The following DUOX1 variants were observed in gnomAD, a reference collection of about 807,000 sequenced individuals.
The protein encoded by DUOX1 is NADPH thyroid oxidase 1.
DUOX1 carries 134 observed loss-of-function variants against 181.8 expected under a neutral mutation model. The ratio of observed to expected loss-of-function variants is 0.74; its 90% CI spans 0.64 to 0.85. The LOEUF is 0.85. Ranked by LOEUF, DUOX1 falls within the 40% of genes least tolerant of loss-of-function variation. DUOX1 has a pLI of 0.00. For synonymous variants in DUOX1, 798 were observed against 832.5 expected (o/e 0.96, Z 0.71); for missense variants, 1,814 against 2,064.4 (o/e 0.88, Z 2.35).
intron 29 of DUOX1, 115 bp downstream of exon 29, chr15:45,161,105 G>C (rs947198572): frequency 6.7e-7 from 1 of 1,488,998 alleles, no homozygotes; most frequent in Non-Finnish European, 9.0e-7. Context: ...AGGTGCCTTG[G>C]GTGGCAGGGA....
chr15:45,162,579 G>C (rs1897137344), intron 31 of DUOX1, among the ~76,000 whole-genome samples: 1 of 152,192 alleles, frequency 6.6e-6, no homozygotes, highest in South Asian at 2.1e-4. Flanking sequence ...GTTTGCGGAT[G>C]CCTCCAGAAT....
At position 45,163,867 on chromosome 15, in the gene DUOX1, C is replaced by T; in HGVS notation, c.4482C>T (p.Gly1494=). 2 of 1,614,158 alleles carry T rather than the reference C, an allele frequency of 1.2e-6. No homozygotes were observed. The highest frequency in any genetic ancestry group is 2.2e-5 in the South Asian group (2 of 91,082). The change falls in exon 33 of 34, where the codon GGC becomes GGT. Residue 1494 remains glycine, a synonymous_variant. Transcript: ENST00000389037. The part of the protein sequence containing the change: ...FTGLRSITHF[G]RPPFEPFFNS... ...GCCTGCGCTCCATCACCCACTTTGG[C>T]CGTCCCCCCTTTGAGCCCTTCTTCA...
Position 45,141,646 on chromosome 15 carries a change from C to G in DUOX1, c.1684+236C>G, listed in dbSNP as rs3784577. Among the ~76,000 whole-genome samples the G allele has an allele frequency of 0.16, 24,395 of 152,048 alleles. 1,952 individuals are homozygous for G. The highest frequency in any genetic ancestry group is 0.18 in the Middle Eastern group (52 of 294). ...GGGCAGAACTGAGACTCAGAGAGAG[C>G]TGGTGAGGAGGTTCACATTCGGCTG... On this transcript the variant is annotated intron_variant, in intron 14 of 33. Coordinates refer to ENST00000389037, the MANE Select transcript of DUOX1 (RefSeq NM_175940.3).
intron 25 of DUOX1, 146 bp downstream of exon 25, chr15:45,152,662 T>A: frequency 1.3e-6 from 1 of 799,256 alleles, no homozygotes; most frequent in Non-Finnish European, 2.0e-6. Flanking sequence ...GGGTGTGAAG[T>A]AAGCCCGGGA....
At chr15:45,136,168 C>G (rs1896307944) in intron 7 of DUOX1, among the ~76,000 whole-genome samples, 182 bp from the exon 8 acceptor site, 1 of 152,192 alleles carries the variant, frequency 6.6e-6, no homozygotes, top group Non-Finnish European at 1.5e-5. Context: ...CCACCCCCCA[C>G]TCCCTCAAAT....
At position 45,144,207 on chromosome 15, in the gene DUOX1, T is replaced by C. The variant is rs1176981161; in HGVS notation, c.2108T>C (p.Leu703Pro). The change falls in exon 17 of 34, where the codon CTG becomes CCG. Residue 703 changes from leucine (L) to proline (P), a missense_variant. This residue lies in a region of DUOX1 where 1,064 missense variants were observed against 1,152.9 expected (regional missense o/e 0.92). Transcript: ENST00000389037. Reference protein sequence around the residue: ...LSSNRGRRTLLLKIPKEYDLV... With the variant: ...LSSNRGRRTLPLKIPKEYDLV... ...AGCAACCGTGGACGCCGCACTCTGC[T>C]GCTCAAGATCCCCAAGGAGTATGAC... 5.0e-6 allele frequency: 8 copies of C among 1,614,002 alleles called. No homozygotes were observed. In the African/African-American group the frequency reaches 1.1e-4, roughly 22 times the overall value.
chr15:45,130,854 A>G (rs1317274355), intron 1 of DUOX1, among the ~76,000 whole-genome samples: 1 of 152,156 alleles, frequency 6.6e-6, no homozygotes, highest in African/African-American at 2.4e-5. Context: ...GGGATCAGGG[A>G]AGGACCGCTG....
chr15:45,163,978 T>G, intron 33 of DUOX1, 60 bp downstream of exon 33: 1 of 1,575,814 alleles, frequency 6.3e-7, no homozygotes, highest in Non-Finnish European at 8.6e-7. Flanking sequence ...TGAGCAAAGC[T>G]CCCAAACCTT....
At chr15:45,163,399 C>T in intron 31 of DUOX1, 133 bp from the exon 32 acceptor site, 1 of 1,345,840 alleles carries the variant, frequency 7.4e-7, no homozygotes, top group Non-Finnish European at 1.0e-6. Flanking sequence ...GGCCCATACA[C>T]TCCATCTCCC....
chr15:45,132,451 ACAAAAG>A, intron 2 of DUOX1, among the ~76,000 whole-genome samples: 1 of 152,354 alleles, frequency 6.6e-6, no homozygotes, highest in African/African-American at 2.4e-5. Flanking sequence ...ATGATGAAAA[ACAAAAG>A]CAATATCTTC....
In DUOX1 at chr15:45,165,096, G is replaced by A; in HGVS notation, c.*195G>A. 1 of 613,766 alleles carries A rather than the reference G, an allele frequency of 1.6e-6. No homozygotes were observed. Among genetic ancestry groups the A allele is most frequent in the Non-Finnish European group, 2.9e-6 (1 of 350,578 alleles). The allele number at this position is 613,766 out of a possible 1,614,324, so 38.0% of individuals were successfully genotyped here. A position where few individuals can be genotyped will look rare whatever the true frequency, so the allele number is the denominator to read the frequency against. On this transcript the variant is annotated 3_prime_UTR_variant, in exon 34 of 34. Transcript: ENST00000389037. ...GGACCAGGATGTGTCTCAGCCTGGA[G>A]AAATGGTGGGGGGGCAGTGTCTAGG...
At position 45,147,759 on chromosome 15, in the gene DUOX1, A is replaced by G. The variant is rs1896692412; in HGVS notation, c.2548+101A>G. On this transcript the variant is annotated intron_variant, in intron 19 of 33. Transcript: ENST00000389037. ...TCTCCAGCCATGGCAGATGCCCAGA[A>G]GTGCCCAGGCCGAGGTCAGGAAGCA... 2.5e-6 allele frequency: 4 copies of G among 1,571,128 alleles called. No homozygotes were observed. The East Asian group carries it at 6.7e-5, about 26-fold the overall frequency.
intron 31 of DUOX1, among the ~76,000 whole-genome samples, chr15:45,162,783 C>G (rs1304350528): frequency 6.6e-6 from 1 of 152,234 alleles, no homozygotes; most frequent in Non-Finnish European, 1.5e-5. Flanking sequence ...GAAACTGGCT[C>G]AGCTCTCAAG....
At position 45,151,133 on chromosome 15, in the gene DUOX1, A is replaced by C. The variant is rs1376984442; in HGVS notation, c.2899A>C (p.Arg967=). 2.5e-6 allele frequency: 4 copies of C among 1,614,010 alleles called. No homozygotes were observed. The highest frequency in any genetic ancestry group is 1.6e-4 in the Middle Eastern group (1 of 6,082). The change falls in exon 23 of 34, where the codon AGA becomes CGA. Residue 967 remains arginine (R), a synonymous_variant. Transcript: ENST00000389037. The stretch of plus-strand genomic sequence containing the variant: ...CCATTCTTGTCTTAGTCCCTCTCCC[A>C]GAGTGAGTGCCCGCTGTTCCCGCAG... ...ISQDMICPSP[R]VSARCSRSDI...
At chr15:45,140,748 T>TG in intron 12 of DUOX1, 147 bp from the exon 13 acceptor site, 1 of 722,378 alleles carries the variant, frequency 1.4e-6, no homozygotes, top group Non-Finnish European at 2.2e-6. Flanking sequence ...GAGAAGTGCC[T>TG]GGGGCATAAT....
chr15:45,154,434 G>A (rs1896914664), intron 27 of DUOX1, among the ~76,000 whole-genome samples: 1 of 152,130 alleles, frequency 6.6e-6, no homozygotes, highest in African/African-American at 2.4e-5. Flanking sequence ...GCCTTGAAAG[G>A]AGCGTTTGGG....
chr15:45,164,812 C>CA lies in DUOX1; in HGVS notation c.4567_4568insA (p.Pro1523HisfsTer27), dbSNP rs1567023502. 2 of 1,614,172 alleles carry CA rather than the reference C, an allele frequency of 1.2e-6. No individual in the cohort carries two copies. The highest frequency in any genetic ancestry group is 2.2e-5 in the South Asian group (2 of 91,076). On this transcript the variant is annotated frameshift_variant, in exon 34 of 34. Transcript: ENST00000389037. LOFTEE classifies it high-confidence loss of function. ...GATCGGGGTGTTTAGCTGTGGCCCC[C>CA]CTGGCATGACCAAGAATGTGGAAAA...
chr15:45,137,846 G>A (rs569642093), intron 9 of DUOX1, 78 bp from the exon 10 acceptor site: 46 of 1,171,222 alleles, frequency 3.9e-5, no homozygotes, highest in South Asian at 5.0e-5. Flanking sequence ...CCTGGATACC[G>A]CCTCAGAGAC....
Position 45,135,480 on chromosome 15 carries a change from C to G in DUOX1, c.502C>G (p.Gln168Glu). The change falls in exon 6 of 34, where the codon CAG becomes GAG. Residue 168 changes from glutamine (Q) to glutamate (E), a missense_variant. By Grantham distance (29) the Gln-to-Glu change is conservative. Transcript: ENST00000389037. The part of the protein sequence containing the change: ...SPSNPRDPAN[Q>E]VTGWLDGSAI... Reference sequence around the variant, plus strand: ...CCCGCCGCGTGCCCCGCAGGCCAACCAGGTGACGGGCTGGCTGGACGGCAG... The same window carrying G: ...CCCGCCGCGTGCCCCGCAGGCCAACGAGGTGACGGGCTGGCTGGACGGCAG... 1.3e-6 allele frequency: 2 copies of G among 1,553,500 alleles called. No homozygotes were observed. The highest frequency in any genetic ancestry group is 4.8e-5 in the East Asian group (2 of 41,256).
Sources: allele counts gnomAD v4.1 joint callset (sites outside exome capture counted in the v4.1 genomes callset), GRCh38; gene constraint gnomAD v4.1.1; regional missense constraint gnomAD v4.1.1; transcripts MANE v1.5; gene names NCBI Gene and HGNC (gene_info 2026-07-23, HGNC 2026-07-21).